The following TOX variants were observed in gnomAD, a reference collection of about 807,000 sequenced individuals.
TOX encodes the protein thymocyte selection associated high mobility group box.
A neutral mutation model predicts 53.7 loss-of-function variants in TOX; 11 were observed. The observed-to-expected ratio is 0.20, with a 90% CI of 0.13 to 0.34. The LOEUF (loss-of-function observed/expected upper bound fraction) is 0.34, where lower values mean the gene tolerates loss of function less well. Among genes scored for constraint, TOX ranks in the 10% least tolerant of loss-of-function variants. TOX has a pLI of 1.00. For missense variants in TOX, 570 were observed against 664.6 expected (o/e 0.86, Z 1.56); for synonymous variants, 225 against 245.3 (o/e 0.92, Z 0.77).
chr8:59,025,650 T>G (rs1814221762), intron 1 of TOX, among the ~76,000 whole-genome samples: 1 of 152,266 alleles, frequency 6.6e-6, no homozygotes, highest in South Asian at 2.1e-4. Context: ...CTTCTCCCCC[T>G]AGTCTCTCAA....
intron 1 of TOX, among the ~76,000 whole-genome samples, chr8:59,064,256 T>C (rs555466523): frequency 6.6e-6 from 1 of 152,342 alleles, no homozygotes; most frequent in East Asian, 1.9e-4. Context: ...AATCATGGCT[T>C]CTCTGTCATT....
chr8:58,969,677 T>C (rs1359846894), intron 1 of TOX, among the ~76,000 whole-genome samples: 1 of 152,218 alleles, frequency 6.6e-6, no homozygotes. Context: ...AAAGTGTCTT[T>C]GCTTATAGCA....
intron 6 of TOX, 83 bp from the exon 7 acceptor site, chr8:58,815,807 A>G: frequency 6.9e-7 from 1 of 1,458,936 alleles, no homozygotes; most frequent in Non-Finnish European, 9.1e-7. Context: ...AGTTTATTAA[A>G]GCACCTTCCC....
intron 1 of TOX, among the ~76,000 whole-genome samples, chr8:59,056,155 GTGAC>G (rs953487666): frequency 2.0e-5 from 3 of 152,018 alleles, no homozygotes; most frequent in African/African-American, 7.2e-5. Context: ...GCCAGGTGTG[GTGAC>G]TCATGCCTAT....
At chr8:59,053,747 A>T (rs1359018699) in intron 1 of TOX, among the ~76,000 whole-genome samples, 1 of 152,192 alleles carries the variant, frequency 6.6e-6, no homozygotes. Context: ...ATTGGCCTTG[A>T]GATACTCAAA....
intron 3 of TOX, among the ~76,000 whole-genome samples, chr8:58,860,144 GTGCTAT>G (rs1421416283): frequency 6.6e-6 from 1 of 152,160 alleles, no homozygotes; most frequent in Non-Finnish European, 1.5e-5. Context: ...GGGGGGCCGT[GTGCTAT>G]TGTGGAGGCA....
intron 3 of TOX, among the ~76,000 whole-genome samples, chr8:58,910,299 G>A (rs1811887640): frequency 1.3e-5 from 2 of 152,136 alleles, no homozygotes; most frequent in African/African-American, 2.4e-5. Context: ...TGGATTTTCC[G>A]CATTTTTTTT....
chr8:58,847,441 G>A (rs1201667085), intron 4 of TOX, among the ~76,000 whole-genome samples: 1 of 152,014 alleles, frequency 6.6e-6, no homozygotes, highest in South Asian at 2.1e-4. Flanking sequence ...TTCAGATTAG[G>A]TATAGCTGAA....
intron 2 of TOX, among the ~76,000 whole-genome samples, chr8:58,946,956 G>A (rs1812532015): frequency 1.3e-5 from 2 of 152,016 alleles, no homozygotes; most frequent in African/African-American, 4.8e-5. Flanking sequence ...TCTTCTTTTA[G>A]TTGCATTTAT....
rs911567396 is a variant in TOX, at chr8:59,116,678, A to T, written c.102+2208T>A. On this transcript the variant is annotated intron_variant, in intron 1 of 8. Transcript: ENST00000361421. ...ATGTCCCTGGAGAAACATTTCCATG[A>T]AGTCTTCTTCCACTATTAGAAACAT... Among the ~76,000 whole-genome samples the T allele has an allele frequency of 3.3e-5, 5 of 152,226 alleles. No individual in the cohort carries two copies. In the East Asian group the frequency reaches 7.7e-4, roughly 23 times the overall value.
At chr8:58,808,023 G>A (rs961595756) in intron 8 of TOX, 95 bp downstream of exon 8, 1 of 1,490,824 alleles carries the variant, frequency 6.7e-7, no homozygotes, top group Non-Finnish European at 9.1e-7. Flanking sequence ...AACTATCCCG[G>A]ATCATGTTTT....
At chr8:58,850,720 G>A (rs1367151158) in intron 4 of TOX, among the ~76,000 whole-genome samples, 4 of 152,180 alleles carry the variant, frequency 2.6e-5, no homozygotes, top group Non-Finnish European at 5.9e-5. Flanking sequence ...GGAAAATATA[G>A]TCAATGCAGC....
chr8:59,006,246 T>C (rs1487145851), intron 1 of TOX, among the ~76,000 whole-genome samples: 6 of 152,234 alleles, frequency 3.9e-5, no homozygotes, highest in African/African-American at 1.2e-4. Flanking sequence ...TTTGCACACA[T>C]ACACAGGAAG....
intron 1 of TOX, among the ~76,000 whole-genome samples, chr8:59,057,073 C>G (rs1037645045): frequency 6.6e-6 from 1 of 152,172 alleles, no homozygotes; most frequent in Non-Finnish European, 1.5e-5. Context: ...CCAAGCTCAG[C>G]TCACCCAGAA....
At chr8:58,838,846 C>T (rs986868588) in intron 4 of TOX, among the ~76,000 whole-genome samples, 2 of 151,872 alleles carry the variant, frequency 1.3e-5, no homozygotes, top group African/African-American at 2.4e-5. Flanking sequence ...GGACTACAGA[C>T]GCGCGCCACC....
At chr8:58,965,319 TA>T (rs1812873969) in intron 1 of TOX, among the ~76,000 whole-genome samples, 2 of 152,230 alleles carry the variant, frequency 1.3e-5, no homozygotes, top group Admixed American at 1.3e-4. Flanking sequence ...AAGTCATTTA[TA>T]ATCTTCTACT....
At chr8:58,845,047 CA>C (rs1411360515) in intron 4 of TOX, among the ~76,000 whole-genome samples, 1 of 152,006 alleles carries the variant, frequency 6.6e-6, no homozygotes, top group African/African-American at 2.4e-5. Flanking sequence ...GCTTAGATAA[CA>C]GTATTTCTTA....
At chr8:58,941,630 C>T (rs1008623415) in intron 2 of TOX, among the ~76,000 whole-genome samples, 3 of 152,150 alleles carry the variant, frequency 2.0e-5, no homozygotes, top group African/African-American at 7.2e-5. Context: ...CAGGCCTTTC[C>T]TTTCCCAAAT....
chr8:58,989,264 C>A (rs370297181), intron 1 of TOX, among the ~76,000 whole-genome samples: 54 of 151,594 alleles, frequency 3.6e-4, no homozygotes, highest in Non-Finnish European at 4.7e-4. Flanking sequence ...GGCAGGGAGC[C>A]GAGATCACGC....
Sources: gnomAD v4.1 joint callset for allele counts (sites outside exome capture counted in the v4.1 genomes callset) on GRCh38, gnomAD v4.1.1 for gene constraint, MANE v1.5 for transcripts, NCBI Gene and HGNC (gene_info 2026-07-23, HGNC 2026-07-21) for gene names.